Variants in DNAH10 observed in about 807,000 individuals in gnomAD.
DNAH10 encodes the protein dynein axonemal heavy chain 10.
In DNAH10, 348 loss-of-function variants were observed where a neutral mutation model predicts 506.6. The ratio of observed to expected loss-of-function variants is 0.69; its 90% confidence interval spans 0.63 to 0.75. The LOEUF is 0.75. Ranked by LOEUF, DNAH10 falls within the 30% of genes least tolerant of loss-of-function variation. The pLI, the probability that DNAH10 is intolerant of heterozygous loss-of-function variation, is 0.00. For missense variants in DNAH10, 5,179 were observed against 5,787.1 expected (o/e 0.89, Z 3.41); for synonymous variants, 2,059 against 2,198.6 (o/e 0.94, Z 1.78).
chr12:123,890,748 G>A (rs1411180978), intron 52 of DNAH10, among the ~76,000 whole-genome samples: 1 of 152,182 alleles, frequency 6.6e-6, no homozygotes, highest in Non-Finnish European at 1.5e-5. Context: ...AGAGAAGTGG[G>A]TGGATTCACG....
chr12:123,929,528 C>G, intron 71 of DNAH10, 44 bp downstream of exon 71: 1 of 1,591,080 alleles, frequency 6.3e-7, no homozygotes, highest in Non-Finnish European at 8.6e-7. Context: ...CCTTAGGCGG[C>G]CCACTTCCTC....
At chr12:123,904,140 C>G (rs1016385090) in intron 57 of DNAH10, among the ~76,000 whole-genome samples, 1 of 152,222 alleles carries the variant, frequency 6.6e-6, no homozygotes, top group African/African-American at 2.4e-5. Context: ...CACTCCAGGA[C>G]AGAATGACCT....
rs573054200 is a variant in DNAH10 at position 123,926,647 on chromosome 12, C to A, written c.11932C>A (p.Pro3978Thr). The change falls in exon 69 of 79, where the codon CCC becomes ACC. Residue 3978 changes from proline to threonine, a missense_variant. By Grantham distance (38) the Pro-to-Thr change is conservative. Coordinates refer to ENST00000673944, the MANE Select transcript of DNAH10 (RefSeq NM_001372106.1). The surrounding 1 kb of genome is among the most constrained non-coding windows in gnomAD (Gnocchi z 4.1). ...TVTMGEKYVQ[P>T]PMISFEAIFE... is the part of the protein sequence containing the mutation. ...TGTTTCTTTCACCAGGTATGTGCAG[C>A]CCCCAATGATCAGCTTTGAAGCTAT... 3.7e-6 allele frequency: 6 copies of A among 1,613,256 alleles called. No homozygotes were observed. In the Admixed American group the frequency reaches 1.0e-4, roughly 27 times the overall value.
In DNAH10 at chr12:123,917,860, G is replaced by C; in HGVS notation, c.11232+47G>C. On this transcript the variant is annotated intron_variant, in intron 64 of 78. Transcript: ENST00000673944. The surrounding 1 kb of genome is among the most constrained non-coding windows in gnomAD (Gnocchi z 5.6). ...GCCGTGAGTCAGGCGGGGCCTGCAT[G>C]CGCCGTTGGAGCGTCCATTTCTCTG... is the stretch of plus-strand genomic sequence containing the variant. The C allele has an allele frequency of 6.5e-7, 1 of 1,536,956 alleles. No homozygotes were observed. The highest frequency in any genetic ancestry group is 8.8e-7 in the Non-Finnish European group (1 of 1,134,952).
chr12:123,782,394 C>CCTTT (rs761654319), intron 6 of DNAH10, among the ~76,000 whole-genome samples: 30 of 110,138 alleles, frequency 2.7e-4, no homozygotes, highest in Middle Eastern at 6.1e-3. Context: ...TCTTTTCTTT[C>CCTTT]CTTTCTTTCT....
intron 20 of DNAH10, 37 bp downstream of exon 20, chr12:123,813,677 G>T (rs75207436): frequency 0.058 from 93,143 of 1,612,718 alleles, 2,941 homozygotes; most frequent in Non-Finnish European, 0.064. Context: ...ACTACTTTTC[G>T]TGTAAGTTGG....
In DNAH10 at chr12:123,913,382, C is replaced by A; in HGVS notation, c.10352+67C>A. The A allele has an allele frequency of 6.9e-7, 1 of 1,446,232 alleles. No homozygotes were observed. Among genetic ancestry groups the A allele is most frequent in the Non-Finnish European group, 9.3e-7 (1 of 1,080,994 alleles). The allele number at this position is 1,446,232 out of a possible 1,614,324, so 89.6% of individuals were successfully genotyped here. On this transcript the variant is annotated intron_variant, in intron 60 of 78. Transcript: ENST00000673944. The surrounding 1 kb of genome is among the most constrained non-coding windows in gnomAD (Gnocchi z 5.1). ...GGACGTCACCCACAGAGTTTCTCGC[C>A]ATGTTGATTCTTTATCTCACGTTGT... is the stretch of plus-strand genomic sequence containing the variant.
chr12:123,865,165 C>T (rs1024785045), intron 40 of DNAH10, among the ~76,000 whole-genome samples: 2 of 152,194 alleles, frequency 1.3e-5, no homozygotes, highest in Admixed American at 1.3e-4. Context: ...TAATATACTA[C>T]GATTACATTT....
chr12:123,931,816 G>T lies in DNAH10; in HGVS notation c.13097G>T (p.Arg4366Leu). ...GAACGCTTCAACAAGCTTGTGGTCC[G>T]GATGACGAAGTCTCTGGCTGAACTT... ...ELERFNKLVVRMTKSLAELQR... is the reference protein window; with the variant it reads ...ELERFNKLVVLMTKSLAELQR... Residue 4366 changes from arginine to leucine, a missense_variant, in exon 75 of 79, where the codon CGG becomes CTG. Arg to Leu is a moderately radical substitution (Grantham distance 102, BLOSUM62 -2). This residue lies in a region of DNAH10 where 4,844 missense variants were observed against 5,430.5 expected (regional missense o/e 0.89). Transcript: ENST00000673944. 1.2e-6 allele frequency: 2 copies of T among 1,613,986 alleles called. No homozygotes were observed. Among genetic ancestry groups the T allele is most frequent in the South Asian group, 2.2e-5 (2 of 91,080 alleles).
intron 47 of DNAH10, among the ~76,000 whole-genome samples, chr12:123,876,371 G>A (rs946982156): frequency 5.3e-5 from 8 of 152,076 alleles, no homozygotes; most frequent in Admixed American, 2.0e-4. Context: ...AGTGGCTCAC[G>A]CCTGTAATCC....
rs761688727 is a variant in DNAH10, at chr12:123,925,098, G to GA, written c.11816dup (p.Asp3939GlufsTer2). On this transcript the variant is annotated frameshift_variant, in exon 68 of 79. Transcript: ENST00000673944. LOFTEE classifies it high-confidence loss of function. This position sits in a 1 kb window ranked among gnomAD's most constrained non-coding sequence, Gnocchi z 4.0. ...GCAGTTTCCCGTCCCCTTGGGTTAC[G>GA]ATAACAACATCACCCCTTTCCAGAA... 2 of 1,613,896 alleles carry GA rather than the reference G, an allele frequency of 1.2e-6. No homozygotes were observed. Among genetic ancestry groups the GA allele is most frequent in the African/African-American group, 2.7e-5 (2 of 74,928 alleles).
chr12:123,853,245 C>G lies in DNAH10; in HGVS notation c.6331C>G (p.Arg2111Gly). Residue 2111 changes from arginine (R) to glycine (G), a missense_variant, in exon 36 of 79, where the codon CGG (arginine) becomes GGG (glycine). Transcript: ENST00000673944. This position sits in a 1 kb window ranked among gnomAD's most constrained non-coding sequence, Gnocchi z 4.7. ...GATGACGGTTCTGTATAAGCTGGCCCGGGAGCAGCTGTCCAAGCAGTATCA... is the reference window on the plus strand; with the variant it reads ...GATGACGGTTCTGTATAAGCTGGCCGGGGAGCAGCTGTCCAAGCAGTATCA... Reference protein sequence around the residue: ...KKMTVLYKLAREQLSKQYHYD... With the variant: ...KKMTVLYKLAGEQLSKQYHYD... 1 of 1,610,494 alleles carries G rather than the reference C, an allele frequency of 6.2e-7. No homozygotes were observed. Among genetic ancestry groups the G allele is most frequent in the Non-Finnish European group, 8.5e-7 (1 of 1,178,244 alleles).
At chr12:123,821,754 T>A (rs1441533244) in intron 24 of DNAH10, among the ~76,000 whole-genome samples, 1 of 152,176 alleles carries the variant, frequency 6.6e-6, no homozygotes, top group Non-Finnish European at 1.5e-5. Flanking sequence ...GTAAACTGTT[T>A]AGTTGCAAGC....
At chr12:123,860,030 T>TAAA (rs547855423) in intron 38 of DNAH10, among the ~76,000 whole-genome samples, 1 of 131,216 alleles carries the variant, frequency 7.6e-6, no homozygotes, top group Non-Finnish European at 1.7e-5. Flanking sequence ...ACCTTCTCTC[T>TAAA]AAAAAAAAAA....
At chr12:123,891,111 G>A (rs1952962348) in intron 52 of DNAH10, among the ~76,000 whole-genome samples, 1 of 152,102 alleles carries the variant, frequency 6.6e-6, no homozygotes, top group African/African-American at 2.4e-5. Flanking sequence ...CTCTGGGTGG[G>A]GGAATCTGTG....
At chr12:123,835,315 G>C in intron 27 of DNAH10, 91 bp from the exon 28 acceptor site, 1 of 1,454,852 alleles carries the variant, frequency 6.9e-7, no homozygotes, top group Non-Finnish European at 9.2e-7. Flanking sequence ...GAGTTGATTT[G>C]GTTCTGTCTC....
At chr12:123,933,769 T>C (rs536502042) in intron 77 of DNAH10, among the ~76,000 whole-genome samples, 1 of 152,324 alleles carries the variant, frequency 6.6e-6, no homozygotes, top group South Asian at 2.1e-4. Context: ...CCATGTTCAC[T>C]CTGCTAGCTC....
chr12:123,893,547 C>A, intron 53 of DNAH10, 111 bp downstream of exon 53: 2 of 1,242,826 alleles, frequency 1.6e-6, no homozygotes, highest in Non-Finnish European at 2.3e-6. Flanking sequence ...CAAGACACGG[C>A]CATTAGGTGG....
At position 123,836,078 on chromosome 12, in the gene DNAH10, G is replaced by A. The variant is rs138955063; in HGVS notation, c.4902+550G>A. 6.2e-4 allele frequency among the ~76,000 whole-genome samples: 95 copies of A among 152,310 alleles called. 1 individual carries two copies. Among genetic ancestry groups the A allele is most frequent in the African/African-American group, 1.6e-3 (68 of 41,574 alleles). ...TTTGCTTGTTTAAAATATTTTGAAA[G>A]TGTAGAACAGTGGAAAAATGTATCT... On this transcript the variant is annotated intron_variant, in intron 28 of 78. Coordinates refer to ENST00000673944, the MANE Select transcript of DNAH10 (RefSeq NM_001372106.1).
Sources: allele counts gnomAD v4.1 joint callset (sites outside exome capture counted in the v4.1 genomes callset), GRCh38; gene constraint gnomAD v4.1.1; regional missense constraint gnomAD v4.1.1; non-coding constraint Gnocchi (gnomAD v3.1); transcripts MANE v1.5; gene names NCBI Gene and HGNC (gene_info 2026-07-23, HGNC 2026-07-21).